GNAI3: variants seen among roughly 807,000 people sequenced by gnomAD.
The protein encoded by GNAI3 is G protein subunit alpha i3.
In GNAI3, 12 loss-of-function variants were observed where a neutral mutation model predicts 41.8. That is an observed-to-expected ratio of 0.29 (90% CI 0.18 to 0.47). The LOEUF is 0.47. Ranked by LOEUF, GNAI3 falls within the 20% of genes least tolerant of loss-of-function variation. The pLI is 1.00. For missense variants in GNAI3, 360 were observed against 429.6 expected, an observed-to-expected ratio of 0.84 and a Z score of 1.43; for synonymous variants, 132 against 146.5, an observed-to-expected ratio of 0.90 and a Z score of 0.71.
intron 4 of GNAI3, among the ~76,000 whole-genome samples, chr1:109,580,908 C>T (rs1648874244): frequency 1.3e-5 from 2 of 152,172 alleles, no homozygotes; most frequent in Non-Finnish European, 2.9e-5. Context: ...GCTTTAGAAA[C>T]GTTTCAGGAT....
At chr1:109,552,314 T>C (rs1324166992) in intron 1 of GNAI3, among the ~76,000 whole-genome samples, 1 of 152,206 alleles carries the variant, frequency 6.6e-6, no homozygotes, top group Non-Finnish European at 1.5e-5. Flanking sequence ...TTTACAAATT[T>C]TTTATAGCAT....
chr1:109,592,349 T>A lies in GNAI3; in HGVS notation c.*27T>A, dbSNP rs188828094. 5.9e-6 allele frequency: 4 copies of A among 680,588 alleles called. No homozygotes were observed. Among genetic ancestry groups the A allele is most frequent in the Non-Finnish European group, 7.6e-6 (3 of 396,360 alleles). 42.2% of individuals were successfully genotyped at this position (680,588 alleles called of 1,614,324 possible). Reference sequence around the variant, plus strand: ...AAGAATATTCTTCTCTTCTAGTTACTACAGTGTGGAGTGTTGAGACCAGAC... The same window carrying A: ...AAGAATATTCTTCTCTTCTAGTTACAACAGTGTGGAGTGTTGAGACCAGAC... On this transcript the variant is annotated 3_prime_UTR_variant, in exon 9 of 9. Coordinates refer to ENST00000369851, the MANE Select transcript of GNAI3 (RefSeq NM_006496.4).
Position 109,595,561 on chromosome 1 carries a change from C to T in GNAI3, c.*3239C>T, listed in dbSNP as rs1188596430. On this transcript the variant is annotated 3_prime_UTR_variant, in exon 9 of 9. Transcript: ENST00000369851. Reference sequence around the variant, plus strand: ...TACACATTAGACTATTTTAAAATAACAGCTGGTTTTTGTAATTCATTCATT... The same window carrying T: ...TACACATTAGACTATTTTAAAATAATAGCTGGTTTTTGTAATTCATTCATT... 6.6e-6 allele frequency: 1 copy of T among 151,954 alleles called. No homozygotes were observed. Among genetic ancestry groups the T allele is most frequent in the Non-Finnish European group, 1.5e-5 (1 of 68,012 alleles). The allele number at this position is 151,954 out of a possible 1,614,324, so 9.4% of individuals were successfully genotyped here.
chr1:109,567,971 GTTT>G (rs35770839), intron 1 of GNAI3, among the ~76,000 whole-genome samples: 2 of 139,566 alleles, frequency 1.4e-5, no homozygotes, highest in African/African-American at 2.6e-5. Flanking sequence ...AGGGGATAGT[GTTT>G]TTTTTTTTTT....
chr1:109,568,978 C>G (rs1648525872), intron 1 of GNAI3, among the ~76,000 whole-genome samples: 1 of 152,174 alleles, frequency 6.6e-6, no homozygotes, highest in African/African-American at 2.4e-5. Context: ...AGGTGTGAAC[C>G]AACCATTCCC....
chr1:109,555,147 A>G (rs577269327), intron 1 of GNAI3, among the ~76,000 whole-genome samples: 1 of 152,328 alleles, frequency 6.6e-6, no homozygotes, highest in African/African-American at 2.4e-5. Flanking sequence ...CCATTAAAGT[A>G]CCACCATCAT....
At chr1:109,558,811 CTTTAG>C (rs761923779) in intron 1 of GNAI3, among the ~76,000 whole-genome samples, 25 of 151,910 alleles carry the variant, frequency 1.6e-4, no homozygotes, top group Admixed American at 7.9e-4. Flanking sequence ...TTGTTTTTAC[CTTTAG>C]TTTAGTTTTA....
chr1:109,557,987 T>C (rs1374083292), intron 1 of GNAI3, among the ~76,000 whole-genome samples: 1 of 152,182 alleles, frequency 6.6e-6, no homozygotes, highest in Non-Finnish European at 1.5e-5. Context: ...TCACTAAATA[T>C]AAGTTGAACA....
Position 109,598,774 on chromosome 1 carries a change from GTGTCTTCTGACCTCACAGAAA to G in GNAI3, c.*6456_*6476del. 6 of 444,428 alleles carry G rather than the reference GTGTCTTCTGACCTCACAGAAA, an allele frequency of 1.4e-5. No homozygotes were observed. Among genetic ancestry groups the G allele is most frequent in the South Asian group, 9.9e-5 (6 of 60,732 alleles). The allele number at this position is 444,428 out of a possible 1,614,324, so 27.5% of individuals were successfully genotyped here. ...GAAAAGTTCCCTTCTGCAGTCTCCAGTGTCTTCTGACCTCACAGAAATGTTTTCATGCTTTTACCTAGCAGG... is the reference window on the plus strand; with the variant it reads ...GAAAAGTTCCCTTCTGCAGTCTCCAGTGTTTTCATGCTTTTACCTAGCAGG... On this transcript the variant is annotated 3_prime_UTR_variant, in exon 9 of 9. Coordinates refer to ENST00000369851, the MANE Select transcript of GNAI3 (RefSeq NM_006496.4).
rs1042340616 is a variant in GNAI3 at position 109,599,678 on chromosome 1, A to G, written c.*7356A>G. 6.6e-6 allele frequency: 1 copy of G among 152,242 alleles called. No homozygotes were observed. Among genetic ancestry groups the G allele is most frequent in the Non-Finnish European group, 1.5e-5 (1 of 68,050 alleles). 9.4% of individuals were successfully genotyped at this position (152,242 alleles called of 1,614,324 possible). A position where few individuals can be genotyped will look rare whatever the true frequency, so the allele number is the denominator to read the frequency against. On this transcript the variant is annotated 3_prime_UTR_variant, in exon 9 of 9. Coordinates refer to ENST00000369851, the MANE Select transcript of GNAI3 (RefSeq NM_006496.4). ...ATGAAGAGGAAATTTTACCTTCAAC[A>G]AACAAGCAAACTTAGTTATATTTTT...
intron 1 of GNAI3, among the ~76,000 whole-genome samples, chr1:109,559,015 A>G (rs1055038017): frequency 6.6e-6 from 1 of 151,906 alleles, no homozygotes; most frequent in African/African-American, 2.4e-5. Flanking sequence ...CATCTCTACT[A>G]AAAATACAAA....
Position 109,596,031 on chromosome 1 carries a change from A to G in GNAI3, c.*3709A>G, listed in dbSNP as rs1029988128. ...AGTGCAAATCAGGGATCTGACCTGG[A>G]TCAGCCTCAGCTCTTTACATAGCTT... is the stretch of plus-strand genomic sequence containing the variant. On this transcript the variant is annotated 3_prime_UTR_variant, in exon 9 of 9. Coordinates refer to ENST00000369851, the MANE Select transcript of GNAI3 (RefSeq NM_006496.4). The G allele has an allele frequency of 3.3e-5, 5 of 152,188 alleles. No homozygotes were observed. The highest frequency in any genetic ancestry group is 1.2e-4 in the African/African-American group (5 of 41,440). 9.4% of individuals were successfully genotyped at this position (152,188 alleles called of 1,614,324 possible). A position where few individuals can be genotyped will look rare whatever the true frequency, so the allele number is the denominator to read the frequency against.
chr1:109,577,015 GT>G (rs5776987), intron 3 of GNAI3, among the ~76,000 whole-genome samples: 121,873 of 144,140 alleles, frequency 0.85, 52,698 homozygotes, highest in East Asian at 0.96. Context: ...GTTTTTTTCT[GT>G]TTTTTTTTTT....
chr1:109,550,589 A>T (rs943582634), intron 1 of GNAI3, among the ~76,000 whole-genome samples: 2 of 151,294 alleles, frequency 1.3e-5, no homozygotes, highest in African/African-American at 4.9e-5. Flanking sequence ...GCTGGAGTGC[A>T]GTGGCGCGAT....
Position 109,579,333 on chromosome 1 carries a change from G to A in GNAI3, c.433G>A (p.Glu145Lys), listed in dbSNP as rs1336402307. The A allele has an allele frequency of 6.2e-7, 1 of 1,613,456 alleles. No homozygotes were observed. Among genetic ancestry groups the A allele is most frequent in the Non-Finnish European group, 8.5e-7 (1 of 1,179,508 alleles). ...ACAAGCTTGCTTCAGCAGATCCAGG[G>A]AATATCAGCTCAATGATTCTGCTTC... ...GVQACFSRSR[E>K]YQLNDSASYY... The change falls in exon 4 of 9, where the codon GAA becomes AAA. Residue 145 changes from glutamate to lysine, a missense_variant. Physicochemically the swap from Glu to Lys is moderately conservative, Grantham distance 56. Transcript: ENST00000369851.
chr1:109,565,245 C>T (rs544049832), intron 1 of GNAI3, among the ~76,000 whole-genome samples: 28 of 144,576 alleles, frequency 1.9e-4, no homozygotes, highest in African/African-American at 6.9e-4. Flanking sequence ...AGTGAGACTC[C>T]GTCTCAAAAA....
chr1:109,564,006 A>G (rs759685692), intron 1 of GNAI3, among the ~76,000 whole-genome samples: 1 of 150,746 alleles, frequency 6.6e-6, no homozygotes, highest in African/African-American at 2.4e-5. Context: ...GGTAATTCTC[A>G]TGTCCTTAAA....
intron 4 of GNAI3, among the ~76,000 whole-genome samples, chr1:109,580,024 C>T (rs965314909): frequency 6.6e-5 from 10 of 152,218 alleles, no homozygotes; most frequent in East Asian, 5.8e-4. Flanking sequence ...TGTTTTGAGA[C>T]GGAGTCTCGC....
rs1557916077 is a variant in GNAI3, at chr1:109,598,924, T to C, written c.*6602T>C. 1.9e-6 allele frequency: 1 copy of C among 534,826 alleles called. No homozygotes were observed. Among genetic ancestry groups the C allele is most frequent in the Non-Finnish European group, 3.8e-6 (1 of 260,062 alleles). 33.1% of individuals were successfully genotyped at this position (534,826 alleles called of 1,614,324 possible). The stretch of plus-strand genomic sequence containing the variant: ...GCCGGGTAGAGAGGGCAGTGGGAGG[T>C]AAGAGCTCTTCACCCTTCACCACCT... On this transcript the variant is annotated 3_prime_UTR_variant, in exon 9 of 9. Transcript: ENST00000369851.
Sources: allele counts gnomAD v4.1 joint callset (sites outside exome capture counted in the v4.1 genomes callset), GRCh38; gene constraint gnomAD v4.1.1; transcripts MANE v1.5; gene names NCBI Gene and HGNC (gene_info 2026-07-23, HGNC 2026-07-21).